Variants in SPACA7 observed in about 807,000 individuals in gnomAD.
SPACA7 encodes sperm acrosome associated 7.
A neutral mutation model predicts 26.3 loss-of-function variants in SPACA7; 19 were observed. The ratio of observed to expected loss-of-function variants is 0.72; its 90% CI spans 0.50 to 1.06. The LOEUF is 1.06. Among genes scored for constraint, SPACA7 ranks in the 50% least tolerant of loss-of-function variants. SPACA7 has a pLI of 0.00. For missense variants in SPACA7, 211 were observed against 229.9 expected (o/e 0.92, Z 0.53); for synonymous variants, 84 against 84.5 (o/e 0.99, Z 0.04).
chr13:112,410,043 AG>A (rs1303565679), intron 5 of SPACA7, among the ~76,000 whole-genome samples: 5 of 152,218 alleles, frequency 3.3e-5, no homozygotes, highest in Non-Finnish European at 7.3e-5. Flanking sequence ...GCCATAAAAA[AG>A]GATGAGTTCA....
intron 1 of SPACA7, among the ~76,000 whole-genome samples, chr13:112,381,159 A>G (rs1044060198): frequency 6.6e-6 from 1 of 152,190 alleles, no homozygotes; most frequent in Non-Finnish European, 1.5e-5. Flanking sequence ...CGCCAGGGTG[A>G]TGAGTCACCA....
chr13:112,419,300 T>C (rs1416242545), intron 5 of SPACA7, among the ~76,000 whole-genome samples: 1 of 152,150 alleles, frequency 6.6e-6, no homozygotes, highest in African/African-American at 2.4e-5. Flanking sequence ...ATAATATGCA[T>C]TTGAAAAATC....
intron 5 of SPACA7, among the ~76,000 whole-genome samples, chr13:112,430,764 G>A (rs1310675491): frequency 2.0e-5 from 3 of 152,196 alleles, no homozygotes; most frequent in Non-Finnish European, 4.4e-5. Flanking sequence ...CACATACATA[G>A]GGAACGGGGA....
intron 1 of SPACA7, chr13:112,382,179 T>C (rs1884115878): frequency 2.4e-6 from 1 of 413,198 alleles, no homozygotes. Flanking sequence ...TCTTTCACTG[T>C]CTCAGTCATA....
chr13:112,433,494 T>C (rs531456282), intron 6 of SPACA7, among the ~76,000 whole-genome samples: 107 of 151,140 alleles, frequency 7.1e-4, no homozygotes, highest in African/African-American at 2.5e-3. Flanking sequence ...TCTTAAAGCA[T>C]TGGGGTTCTG....
chr13:112,424,454 T>C (rs1405020934), intron 5 of SPACA7, among the ~76,000 whole-genome samples: 2 of 152,196 alleles, frequency 1.3e-5, no homozygotes, highest in African/African-American at 4.8e-5. Flanking sequence ...TCGAATGAGC[T>C]GTTTCTCTGA....
intron 1 of SPACA7, among the ~76,000 whole-genome samples, chr13:112,385,441 G>A (rs1884463451): frequency 6.6e-6 from 1 of 152,112 alleles, no homozygotes; most frequent in Admixed American, 6.6e-5. Context: ...TGGTAAGTAA[G>A]CTATTTTAAT....
intron 5 of SPACA7, among the ~76,000 whole-genome samples, chr13:112,404,574 T>C (rs552732014): frequency 1.3e-5 from 2 of 152,244 alleles, no homozygotes; most frequent in Non-Finnish European, 2.9e-5. Flanking sequence ...CCTTTATCCA[T>C]CTTGAGTTGA....
intron 5 of SPACA7, among the ~76,000 whole-genome samples, chr13:112,413,010 G>T (rs1028379387): frequency 2.6e-5 from 4 of 152,078 alleles, no homozygotes; most frequent in African/African-American, 9.7e-5. Context: ...TTCACGTTTT[G>T]TTGCCTCAAT....
intron 1 of SPACA7, among the ~76,000 whole-genome samples, chr13:112,391,237 C>T (rs1884867986): frequency 6.6e-6 from 1 of 152,226 alleles, no homozygotes; most frequent in Non-Finnish European, 1.5e-5. Context: ...TCTTCCCCAG[C>T]TTGAAGACCA....
rs869183760 is a variant in SPACA7 at position 112,414,388 on chromosome 13, C to CTTTTTT, written c.445+13259_445+13264dup. ...AAGTTTCTGAATGGCTTTTCTGTGT[C>CTTTTTT]TTTTTTTTTTTTTTTTTTTTTTTTT... is the stretch of plus-strand genomic sequence containing the variant. On this transcript the variant is annotated intron_variant, in intron 5 of 6. Coordinates refer to ENST00000283550, the MANE Select transcript of SPACA7 (RefSeq NM_145248.5). Among the ~76,000 whole-genome samples, 41 of 31,396 alleles carry CTTTTTT rather than the reference C, an allele frequency of 1.3e-3. 19 individuals carry two copies. Among genetic ancestry groups the CTTTTTT allele is most frequent in the Non-Finnish European group, 1.9e-3 (32 of 17,230 alleles). 20.6% of individuals were successfully genotyped at this position (31,396 alleles called of 152,430 possible). A position where few individuals can be genotyped will look rare whatever the true frequency, so the allele number is the denominator to read the frequency against.
chr13:112,424,508 T>G (rs1403321567), intron 5 of SPACA7, among the ~76,000 whole-genome samples: 5 of 152,070 alleles, frequency 3.3e-5, no homozygotes, highest in Non-Finnish European at 7.4e-5. Context: ...AATGGCATTG[T>G]GTTGGGGGGC....
intron 2 of SPACA7, 67 bp downstream of exon 2, chr13:112,393,144 G>A (rs1190515385): frequency 3.9e-5 from 53 of 1,346,142 alleles, no homozygotes; most frequent in Non-Finnish European, 4.5e-5. Context: ...GTCTGTGGCT[G>A]TTTCCCAGAT....
chr13:112,404,643 A>G (rs576867918), intron 5 of SPACA7, among the ~76,000 whole-genome samples: 2 of 152,244 alleles, frequency 1.3e-5, no homozygotes, highest in Non-Finnish European at 2.9e-5. Context: ...TGGCTTGTCA[A>G]TTATACCAGC....
chr13:112,417,648 T>A (rs1390655250), intron 5 of SPACA7, among the ~76,000 whole-genome samples: 2 of 152,202 alleles, frequency 1.3e-5, no homozygotes, highest in African/African-American at 2.4e-5. Flanking sequence ...AATTCACATG[T>A]GCTTTTTAAG....
At chr13:112,429,159 T>C (rs2139076080) in intron 5 of SPACA7, among the ~76,000 whole-genome samples, 1 of 152,312 alleles carries the variant, frequency 6.6e-6, no homozygotes, top group Admixed American at 6.5e-5. Flanking sequence ...ACAGGATCAC[T>C]TGAGCCCAGG....
intron 1 of SPACA7, among the ~76,000 whole-genome samples, chr13:112,386,698 C>G (rs1047455008): frequency 1.3e-5 from 2 of 152,094 alleles, no homozygotes; most frequent in African/African-American, 4.8e-5. Flanking sequence ...AAGAGAAAAA[C>G]ATAAAGGCCT....
chr13:112,431,888 G>T (rs1280590418), intron 5 of SPACA7, among the ~76,000 whole-genome samples: 1 of 152,194 alleles, frequency 6.6e-6, no homozygotes, highest in Non-Finnish European at 1.5e-5. Context: ...GGCCGGTTTG[G>T]GGGGACTTGG....
chr13:112,380,078 T>G (rs1370924761), intron 1 of SPACA7, among the ~76,000 whole-genome samples: 1 of 152,194 alleles, frequency 6.6e-6, no homozygotes, highest in Non-Finnish European at 1.5e-5. Flanking sequence ...CTAGTAAGAC[T>G]ACTCAACAGG....
Sources: gnomAD v4.1 joint callset for allele counts (sites outside exome capture counted in the v4.1 genomes callset) on GRCh38, gnomAD v4.1.1 for gene constraint, MANE v1.5 for transcripts, NCBI Gene and HGNC (gene_info 2026-07-23, HGNC 2026-07-21) for gene names.